IVD: variants seen among roughly 807,000 people sequenced by gnomAD.
The protein encoded by IVD is isovaleryl-CoA dehydrogenase, mitochondrial.
A neutral mutation model predicts 51.3 loss-of-function variants in IVD; 31 were observed. The ratio of observed to expected loss-of-function variants is 0.60; its 90% CI spans 0.45 to 0.81. The LOEUF is 0.81. IVD is among the 40% of genes least tolerant of loss of function. The pLI is 0.00. For synonymous variants in IVD, 205 were observed against 219.4 expected, an observed-to-expected ratio of 0.93 and a Z score of 0.58; for missense variants, 475 against 552.0, an observed-to-expected ratio of 0.86 and a Z score of 1.40.
intron 11 of IVD, among the ~76,000 whole-genome samples, chr15:40,417,677 G>C (rs1891857677): frequency 6.6e-6 from 1 of 152,146 alleles, no homozygotes. Context: ...CCCGTTAGTA[G>C]TCACCTAGGG....
At chr15:40,408,703 C>T (rs956235820) in intron 3 of IVD, among the ~76,000 whole-genome samples, 2 of 152,166 alleles carry the variant, frequency 1.3e-5, no homozygotes, top group Non-Finnish European at 2.9e-5. Context: ...GTAATCCCAG[C>T]ACTTTGGGAG....
In IVD at chr15:40,420,152, G is replaced by A. The variant is rs546693286; in HGVS notation, c.*1889G>A. The stretch of plus-strand genomic sequence containing the variant: ...ACACACATGCTGCTGAGTCCGCAGG[G>A]GGGGCAGAGCAGAGGACAGCGTGCT... On this transcript the variant is annotated 3_prime_UTR_variant, in exon 12 of 12. Transcript: ENST00000487418. 4.1e-6 allele frequency: 4 copies of A among 985,728 alleles called. No individual in the cohort carries two copies. Among genetic ancestry groups the A allele is most frequent in the African/African-American group, 3.5e-5 (2 of 57,364 alleles). The allele number at this position is 985,728 out of a possible 1,614,324, so 61.1% of individuals were successfully genotyped here.
chr15:40,411,201 T>G, intron 4 of IVD, 59 bp from the exon 5 acceptor site: 6 of 1,497,770 alleles, frequency 4.0e-6, no homozygotes, highest in Non-Finnish European at 5.6e-6. Flanking sequence ...GCAGTACCAG[T>G]GAGCTGCTCT....
At chr15:40,430,341 G>A (rs957258776) in intron 7 of IVD, among the ~76,000 whole-genome samples, 16 of 152,318 alleles carry the variant, frequency 1.1e-4, no homozygotes, top group African/African-American at 3.8e-4. Context: ...GGAATCACCG[G>A]CTTGCCAGGC....
At chr15:40,413,240 A>G in intron 7 of IVD, 153 bp downstream of exon 7, 1 of 703,050 alleles carries the variant, frequency 1.4e-6, no homozygotes. Context: ...GGGCTGCTGG[A>G]CAGCGCTCCT....
Position 40,405,967 on chromosome 15 carries a change from G to A in IVD, c.140G>A (p.Arg47Lys). Reference sequence around the variant, plus strand: ...ATCAATGGGCTAAGCGAGGAGCAGAGGCAGGTGAGGAGACTGACCCCCTTC... The same window carrying A: ...ATCAATGGGCTAAGCGAGGAGCAGAAGCAGGTGAGGAGACTGACCCCCTTC... ...DAINGLSEEQ[R>K]QLRQTMAKFL... The change falls in exon 1 of 12, where the codon AGG (arginine) becomes AAG (lysine). Residue 47 changes from arginine (R) to lysine (K), a missense_variant. Transcript: ENST00000487418. 6.2e-7 allele frequency: 1 copy of A among 1,603,908 alleles called. No homozygotes were observed. The highest frequency in any genetic ancestry group is 8.5e-7 in the Non-Finnish European group (1 of 1,174,896).
At chr15:40,435,057 T>C (rs1893189728) in intron 8 of IVD, among the ~76,000 whole-genome samples, 1 of 152,204 alleles carries the variant, frequency 6.6e-6, no homozygotes, top group South Asian at 2.1e-4. Context: ...TCCTAATTTG[T>C]GAAATGGCGA....
chr15:40,406,159 G>C, intron 1 of IVD, 188 bp downstream of exon 1: 11 of 1,539,212 alleles, frequency 7.1e-6, no homozygotes, highest in Non-Finnish European at 9.6e-6. Flanking sequence ...CTCTGACCTC[G>C]GCCTCACGTC....
At chr15:40,407,243 A>G (rs1890545642) in intron 1 of IVD, among the ~76,000 whole-genome samples, 2 of 152,238 alleles carry the variant, frequency 1.3e-5, no homozygotes, top group South Asian at 2.1e-4. Flanking sequence ...CCTGACAACT[A>G]TTGAGATCTG....
downstream of IVD, among the ~76,000 whole-genome samples, chr15:40,422,585 C>CTGTTTTTTTTTTTTTT: frequency 1.4e-5 from 1 of 69,154 alleles, no homozygotes; most frequent in African/African-American, 8.2e-5. Context: ...GCCCGGCCGA[C>CTGTTTTTTTTTTTTTT]TTTTTTTTTT....
At chr15:40,416,786 T>C (rs1434273155) in intron 11 of IVD, among the ~76,000 whole-genome samples, 1 of 152,144 alleles carries the variant, frequency 6.6e-6, no homozygotes, top group Admixed American at 6.5e-5. Context: ...GCTCTTTCTG[T>C]CCCAGTTACA....
At chr15:40,414,809 G>A (rs1891464442) in intron 7 of IVD, 80 bp from the exon 8 acceptor site, 3 of 1,586,628 alleles carry the variant, frequency 1.9e-6, no homozygotes, top group Non-Finnish European at 2.6e-6. Flanking sequence ...TGAGAGCCAT[G>A]TTTCCAAATC....
At chr15:40,408,381 C>T (rs545832107) in intron 3 of IVD, among the ~76,000 whole-genome samples, 13 of 152,224 alleles carry the variant, frequency 8.5e-5, no homozygotes, top group Non-Finnish European at 1.5e-4. Flanking sequence ...TACCAGTGGC[C>T]TCTCGGCAGG....
At chr15:40,427,919 T>C (rs778848320), downstream of IVD, among the ~76,000 whole-genome samples, 2 of 152,086 alleles carry the variant, frequency 1.3e-5, no homozygotes, top group Non-Finnish European at 2.9e-5. Context: ...CGGTGGCTCA[T>C]GCCTGTAATC....
chr15:40,425,541 T>A (rs1461236207), downstream of IVD, among the ~76,000 whole-genome samples: 2 of 151,864 alleles, frequency 1.3e-5, no homozygotes, highest in Non-Finnish European at 2.9e-5. Context: ...TTTTGTTTGT[T>A]TGTTTTTCAT....
At chr15:40,410,019 G>A (rs1226977830) in intron 3 of IVD, among the ~76,000 whole-genome samples, 1 of 151,986 alleles carries the variant, frequency 6.6e-6, no homozygotes, top group African/African-American at 2.4e-5. Flanking sequence ...TGTATTTTTA[G>A]TAGAGACGGG....
At chr15:40,422,738 T>G (rs578111616), downstream of IVD, among the ~76,000 whole-genome samples, 2 of 108,026 alleles carry the variant, frequency 1.9e-5, no homozygotes, top group East Asian at 7.2e-4. Flanking sequence ...TAGCTGGGAT[T>G]ACAGGCATGT....
intron 7 of IVD, 106 bp from the exon 8 acceptor site, chr15:40,414,783 A>G: frequency 6.5e-7 from 1 of 1,541,724 alleles, no homozygotes; most frequent in South Asian, 1.2e-5. Context: ...CAAGTGACAT[A>G]TTTTAGTGCC....
intron 7 of IVD, among the ~76,000 whole-genome samples, chr15:40,431,771 A>G (rs888095184): frequency 2.0e-5 from 3 of 152,142 alleles, no homozygotes; most frequent in African/African-American, 7.2e-5. Context: ...AACATTACCT[A>G]TCACAGAATA....
Sources: allele counts gnomAD v4.1 joint callset (sites outside exome capture counted in the v4.1 genomes callset), GRCh38; gene constraint gnomAD v4.1.1; transcripts MANE v1.5; gene names NCBI Gene and HGNC (gene_info 2026-07-23, HGNC 2026-07-21).